PROCR: variants seen among roughly 807,000 people sequenced by gnomAD.
The protein encoded by PROCR is protein C receptor.
Under a neutral mutation model 24.2 loss-of-function variants are expected in PROCR, and 22 were observed. The observed-to-expected ratio is 0.91, with a 90% CI of 0.65 to 1.30. The LOEUF is 1.30. Ranked by LOEUF, PROCR falls within the 50% of genes most tolerant of loss-of-function variation. PROCR has a pLI of 0.00. For missense variants in PROCR, 288 were observed against 307.7 expected (o/e 0.94, Z 0.48); for synonymous variants, 137 against 139.2 (o/e 0.98, Z 0.11).
At chr20:35,194,976 G>A (rs907773073) in intron 1 of PROCR, among the ~76,000 whole-genome samples, 14 of 152,072 alleles carry the variant, frequency 9.2e-5, no homozygotes, top group African/African-American at 3.1e-4. Flanking sequence ...AATGTTTAAA[G>A]GAAAAGAAAA....
At chr20:35,211,923 A>C (rs2060364077) in intron 1 of PROCR, among the ~76,000 whole-genome samples, 1 of 152,088 alleles carries the variant, frequency 6.6e-6, no homozygotes, top group Non-Finnish European at 1.5e-5. Flanking sequence ...GACTGAGAGC[A>C]GGAGAATTGC....
intron 1 of PROCR, among the ~76,000 whole-genome samples, chr20:35,188,373 G>A (rs1054450486): frequency 1.8e-4 from 27 of 152,204 alleles, no homozygotes; most frequent in African/African-American, 6.5e-4. Flanking sequence ...AGAGATCTGG[G>A]AAGGCTACAC....
At chr20:35,199,763 A>AG (rs1491424274) in intron 1 of PROCR, among the ~76,000 whole-genome samples, 1 of 151,834 alleles carries the variant, frequency 6.6e-6, no homozygotes, top group South Asian at 2.1e-4. Context: ...AAAAAAAAAA[A>AG]CATTTCATAG....
At position 35,176,276 on chromosome 20, in the gene PROCR, G is replaced by A. The variant is rs1052528813; in HGVS notation, c.431G>A (p.Arg144Gln). 5.0e-6 allele frequency: 8 copies of A among 1,614,082 alleles called. No individual in the cohort carries two copies. The highest frequency in any genetic ancestry group is 6.8e-6 in the Non-Finnish European group (8 of 1,180,050). ...AATGGGAGCTCCTTTGTGAGTTTCCGGCCGGAGAGAGCCTTGTGGCAGGCA... is the reference window on the plus strand; with the variant it reads ...AATGGGAGCTCCTTTGTGAGTTTCCAGCCGGAGAGAGCCTTGTGGCAGGCA... ...AVNGSSFVSF[R>Q]PERALWQADT... is the part of the protein sequence containing the mutation. Residue 144 changes from arginine to glutamine, a missense_variant, in exon 3 of 4, where the codon CGG (arginine) becomes CAG (glutamine). By Grantham distance (43) the Arg-to-Gln change is conservative. Transcript: ENST00000216968.
intron 1 of PROCR, among the ~76,000 whole-genome samples, chr20:35,203,775 G>T (rs2060327830): frequency 6.6e-6 from 1 of 152,066 alleles, no homozygotes. Flanking sequence ...AAAATTTATG[G>T]GTTGCAGCTA....
At chr20:35,181,847 A>G (rs1274335532), downstream of PROCR, among the ~76,000 whole-genome samples, 1 of 152,200 alleles carries the variant, frequency 6.6e-6, no homozygotes, top group Non-Finnish European at 1.5e-5. Context: ...TTATTAAGTA[A>G]TCCTCAGAGT....
At chr20:35,216,023 C>T (rs1187759701) in exon 2 of PROCR, 1 of 243,416 alleles carries the variant, frequency 4.1e-6, no homozygotes, top group East Asian at 1.8e-4. Flanking sequence ...CATGGAAAAA[C>T]CCCGTCTCTA....
rs1600750899 is a variant in PROCR, at chr20:35,201,350, G to A, written c.95-14543G>A. ...ACTCTTATCAATAACTACATTAAAT[G>A]TAAATGGTCTTTAAAAATGTAAATG... On this transcript the variant is annotated intron_variant, in intron 1 of 1. Coordinates refer to the PROCR transcript ENST00000634509. 3.3e-5 allele frequency among the ~76,000 whole-genome samples: 5 copies of A among 152,264 alleles called. No individual in the cohort carries two copies. In the South Asian group the frequency reaches 6.2e-4, roughly 19 times the overall value.
intron 1 of PROCR, among the ~76,000 whole-genome samples, chr20:35,203,877 A>G (rs1399289307): frequency 6.6e-6 from 1 of 152,084 alleles, no homozygotes; most frequent in Admixed American, 6.6e-5. Context: ...TACCTTAAGA[A>G]ACTAGAGAAA....
intron 1 of PROCR, among the ~76,000 whole-genome samples, chr20:35,209,794 G>A (rs2060355234): frequency 6.6e-6 from 1 of 152,312 alleles, no homozygotes; most frequent in East Asian, 1.9e-4. Flanking sequence ...TAGTGAAACA[G>A]ATTCAGTTTC....
In PROCR at chr20:35,172,131, C is replaced by G; in HGVS notation, c.-24C>G. 1 of 1,613,784 alleles carries G rather than the reference C, an allele frequency of 6.2e-7. No individual in the cohort carries two copies. Among genetic ancestry groups the G allele is most frequent in the South Asian group, 1.1e-5 (1 of 91,078 alleles). ...CCGCAGCCGGCCCGAGCCAGGAACCCAGGTCCGGAGCCTCAACTTCAGGAT... is the reference window on the plus strand; with the variant it reads ...CCGCAGCCGGCCCGAGCCAGGAACCGAGGTCCGGAGCCTCAACTTCAGGAT... On this transcript the variant is annotated 5_prime_UTR_variant, in exon 1 of 4. Coordinates refer to ENST00000216968, the MANE Select transcript of PROCR (RefSeq NM_006404.5).
chr20:35,201,086 G>A (rs1224222550), intron 1 of PROCR, among the ~76,000 whole-genome samples: 1 of 151,488 alleles, frequency 6.6e-6, no homozygotes, highest in African/African-American at 2.4e-5. Flanking sequence ...AGATGTCAGT[G>A]TTTTACTTGA....
chr20:35,215,684 T>G (rs965420258), intron 1 of PROCR, among the ~76,000 whole-genome samples: 2 of 152,100 alleles, frequency 1.3e-5, no homozygotes, highest in Non-Finnish European at 2.9e-5. Flanking sequence ...TTTAGGTGTG[T>G]CGTGGGGTAG....
chr20:35,182,492 C>T lies in PROCR; in HGVS notation c.94+6046C>T, dbSNP rs375881586. Among the ~76,000 whole-genome samples the T allele has an allele frequency of 1.4e-3, 210 of 152,226 alleles. 5 individuals are homozygous for T. In the South Asian group the frequency reaches 0.042, roughly 30 times the overall value. ...ATCTCACATCATTAATTTATTTACTCGTTTAATAAATGTTTGTCAGAAACT... is the reference window on the plus strand; with the variant it reads ...ATCTCACATCATTAATTTATTTACTTGTTTAATAAATGTTTGTCAGAAACT... On this transcript the variant is annotated intron_variant, in intron 1 of 1. Transcript: ENST00000634509.
chr20:35,176,465 C>T lies in PROCR; in HGVS notation c.601+19C>T. ...ACGAAAGGTATGATGGGACGGGGCC[C>T]AGGCCTGCAAGCTGGGGAGAGGGCG... On this transcript the variant is annotated intron_variant, in intron 3 of 3. Transcript: ENST00000216968. 2.5e-6 allele frequency: 4 copies of T among 1,611,948 alleles called. No individual in the cohort carries two copies. The highest frequency in any genetic ancestry group is 3.4e-6 in the Non-Finnish European group (4 of 1,178,598).
intron 1 of PROCR, among the ~76,000 whole-genome samples, chr20:35,194,511 C>CA (rs560758343): frequency 7.0e-4 from 107 of 152,236 alleles, no homozygotes; most frequent in African/African-American, 2.5e-3. Flanking sequence ...CTCCAAGGCA[C>CA]AAATGGAGAG....
intron 1 of PROCR, among the ~76,000 whole-genome samples, chr20:35,204,595 C>T (rs866498504): frequency 9.2e-5 from 14 of 151,976 alleles, no homozygotes; most frequent in Middle Eastern, 6.8e-3. Context: ...AGGCTGGTCT[C>T]GAACTCCTGG....
chr20:35,196,218 C>G (rs11906148), intron 1 of PROCR, among the ~76,000 whole-genome samples: 1 of 149,304 alleles, frequency 6.7e-6, no homozygotes, highest in South Asian at 2.1e-4. Context: ...TTAACAGAGC[C>G]TCAGATACCT....
At chr20:35,208,603 T>C (rs2060350741) in intron 1 of PROCR, among the ~76,000 whole-genome samples, 1 of 152,064 alleles carries the variant, frequency 6.6e-6, no homozygotes, top group African/African-American at 2.4e-5. Context: ...AGGTTTTAAA[T>C]CACAAAAACA....
Sources: gnomAD v4.1 joint callset for allele counts (sites outside exome capture counted in the v4.1 genomes callset) on GRCh38, gnomAD v4.1.1 for gene constraint, MANE v1.5 for transcripts, NCBI Gene and HGNC (gene_info 2026-07-23, HGNC 2026-07-21) for gene names.